ABLIM2: variants seen among roughly 807,000 people sequenced by gnomAD.
ABLIM2 encodes actin-binding LIM protein 2.
In ABLIM2, 53 loss-of-function variants were observed where a neutral mutation model predicts 97.7. The observed-to-expected ratio is 0.54, with a 90% CI of 0.44 to 0.68. The LOEUF is 0.68. Among genes scored for constraint, ABLIM2 ranks in the 30% least tolerant of loss-of-function variants. ABLIM2 has a pLI of 0.00. For missense variants in ABLIM2, 835 were observed against 867.2 expected (o/e 0.96, Z 0.47); for synonymous variants, 361 against 345.8 (o/e 1.04, Z -0.49).
chr4:8,071,049 T>C lies in ABLIM2; in HGVS notation c.675+6579A>G, dbSNP rs1016508839. On this transcript the variant is annotated intron_variant, in intron 6 of 20. Transcript: ENST00000447017. The surrounding 1 kb of genome is among the most constrained non-coding windows in gnomAD (Gnocchi z 6.2). ...CCTGGAAGGTGGGGCTCTGAACACA[T>C]GGCCAGTGGCTTCTCCTCATCCACA... 6.6e-6 allele frequency among the ~76,000 whole-genome samples: 1 copy of C among 152,110 alleles called. No homozygotes were observed. Among genetic ancestry groups the C allele is most frequent in the African/African-American group, 2.4e-5 (1 of 41,422 alleles).
At position 8,010,390 on chromosome 4, in the gene ABLIM2, C is replaced by T. The variant is rs189761376; in HGVS notation, c.1424-1288G>A. The T allele has an allele frequency of 5.6e-4, 551 of 985,888 alleles. 4 individuals are homozygous for T. The African/African-American group carries it at 9.0e-3, about 16-fold the overall frequency. The allele number at this position is 985,888 out of a possible 1,614,324, so 61.1% of individuals were successfully genotyped here. On this transcript the variant is annotated intron_variant, in intron 14 of 20. Transcript: ENST00000447017. ...CTCCGTCCCCAGCCCGCCACGAAGA[C>T]CCAGGCCTCAGGAAGGACACGCCGA...
intron 9 of ABLIM2, among the ~76,000 whole-genome samples, chr4:8,040,443 T>A (rs1483204390): frequency 2.6e-5 from 4 of 151,952 alleles, no homozygotes; most frequent in Non-Finnish European, 2.9e-5. Context: ...AGACCCTGTC[T>A]CTACTAAAAA....
At chr4:8,064,626 T>C (rs2152205683) in intron 6 of ABLIM2, among the ~76,000 whole-genome samples, 1 of 152,310 alleles carries the variant, frequency 6.6e-6, no homozygotes, top group Admixed American at 6.5e-5. Context: ...CGCCGCACCC[T>C]CGTGTCCTGA....
At chr4:8,009,772 C>G (rs568606826) in intron 14 of ABLIM2, among the ~76,000 whole-genome samples, 1 of 152,222 alleles carries the variant, frequency 6.6e-6, no homozygotes, top group African/African-American at 2.4e-5. Flanking sequence ...GCCTACGTGT[C>G]TGACTTGGGC....
intron 1 of ABLIM2, among the ~76,000 whole-genome samples, chr4:8,107,171 C>T (rs888889671): frequency 6.6e-6 from 1 of 152,234 alleles, no homozygotes; most frequent in African/African-American, 2.4e-5. Context: ...CTGAATATTG[C>T]TGCGGTCCCC....
intron 1 of ABLIM2, among the ~76,000 whole-genome samples, chr4:8,114,614 G>C (rs753519370): frequency 5.9e-5 from 9 of 151,646 alleles, no homozygotes; most frequent in African/African-American, 1.2e-4. Context: ...ACCATGAACC[G>C]AGGACGCTGC....
intron 11 of ABLIM2, among the ~76,000 whole-genome samples, chr4:8,029,283 CG>C (rs1560751418): frequency 6.6e-6 from 1 of 152,188 alleles, no homozygotes; most frequent in Non-Finnish European, 1.5e-5. Flanking sequence ...AGCTTGCAGC[CG>C]GCCAACGTCT....
At chr4:8,040,514 G>C (rs1312572141) in intron 9 of ABLIM2, among the ~76,000 whole-genome samples, 1 of 152,236 alleles carries the variant, frequency 6.6e-6, no homozygotes, top group African/African-American at 2.4e-5. Context: ...GGGAGGCTGA[G>C]GCAGGAGAGT....
intron 4 of ABLIM2, among the ~76,000 whole-genome samples, chr4:8,084,373 G>A (rs1821930104): frequency 6.6e-6 from 1 of 152,108 alleles, no homozygotes; most frequent in African/African-American, 2.4e-5. Context: ...GGGAGCTCCT[G>A]GGTTTAACCC....
At position 8,091,831 on chromosome 4, in the gene ABLIM2, A is replaced by ATT. The variant is rs1340477145; in HGVS notation, c.339-3548_339-3547insAA. ...TATATATTATATAATATATTATATA[A>ATT]ATAATATAATATATTATTTATACAA... On this transcript the variant is annotated intron_variant, in intron 3 of 20. Coordinates refer to ENST00000447017, the MANE Select transcript of ABLIM2 (RefSeq NM_001130083.2). Among the ~76,000 whole-genome samples, 211 of 96,792 alleles carry ATT rather than the reference A, an allele frequency of 2.2e-3. 2 individuals carry two copies. Among genetic ancestry groups the ATT allele is most frequent in the African/African-American group, 8.4e-3 (203 of 24,166 alleles). The allele number at this position is 96,792 out of a possible 152,430, so 63.5% of individuals were successfully genotyped here.
At position 8,122,860 on chromosome 4, in the gene ABLIM2, G is replaced by T. The variant is rs1273304482; in HGVS notation, c.11-16223C>A. On this transcript the variant is annotated intron_variant, in intron 1 of 20. Coordinates refer to ENST00000447017, the MANE Select transcript of ABLIM2 (RefSeq NM_001130083.2). This position sits in a 1 kb window ranked among gnomAD's most constrained non-coding sequence, Gnocchi z 4.1. Reference sequence around the variant, plus strand: ...TGGGACCCAGGCCTCTCTGACCCTGGCCTTTTCCACCATGCCCCACCGCGT... The same window carrying T: ...TGGGACCCAGGCCTCTCTGACCCTGTCCTTTTCCACCATGCCCCACCGCGT... Among the ~76,000 whole-genome samples the T allele has an allele frequency of 6.6e-6, 1 of 152,110 alleles. No individual in the cohort carries two copies. Among genetic ancestry groups the T allele is most frequent in the Non-Finnish European group, 1.5e-5 (1 of 68,016 alleles).
chr4:8,126,466 C>A (rs1210729835), intron 1 of ABLIM2, among the ~76,000 whole-genome samples: 1 of 150,554 alleles, frequency 6.6e-6, no homozygotes, highest in East Asian at 2.0e-4. Context: ...CTCCCCCTGC[C>A]TCCCTTTTCT....
At chr4:8,007,958 G>T in intron 16 of ABLIM2, 101 bp downstream of exon 16, 4 of 1,516,376 alleles carry the variant, frequency 2.6e-6, no homozygotes, top group Non-Finnish European at 3.5e-6. Context: ...CTTTTTAACA[G>T]GCAAGGCTTA....
intron 20 of ABLIM2, among the ~76,000 whole-genome samples, chr4:7,979,270 C>T (rs1736127580): frequency 6.6e-6 from 1 of 152,256 alleles, no homozygotes; most frequent in Non-Finnish European, 1.5e-5. Flanking sequence ...GATCCCCACA[C>T]ATCTGGGTGC....
At chr4:7,988,625 T>C (rs979888767) in intron 17 of ABLIM2, among the ~76,000 whole-genome samples, 3 of 152,230 alleles carry the variant, frequency 2.0e-5, no homozygotes, top group Admixed American at 2.0e-4. Flanking sequence ...GCTAGCGACA[T>C]GGAAGCAAGA....
At chr4:8,133,998 C>T (rs144808102) in intron 1 of ABLIM2, among the ~76,000 whole-genome samples, 40 of 152,240 alleles carry the variant, frequency 2.6e-4, no homozygotes, top group Non-Finnish European at 4.6e-4. Context: ...GGGGGGGTGA[C>T]GAACAGTGAA....
intron 6 of ABLIM2, among the ~76,000 whole-genome samples, chr4:8,064,593 T>C (rs1580278290): frequency 3.3e-5 from 5 of 152,242 alleles, no homozygotes. Flanking sequence ...TTCTGTTACA[T>C]GTCACAGGAG....
At chr4:8,037,409 G>C (rs1785257556) in intron 9 of ABLIM2, among the ~76,000 whole-genome samples, 1 of 151,428 alleles carries the variant, frequency 6.6e-6, no homozygotes, top group South Asian at 2.1e-4. Context: ...CAGAGAACAT[G>C]CCTGTCTGAG....
chr4:8,130,515 G>C lies in ABLIM2; in HGVS notation c.11-23878C>G, dbSNP rs1476154480. Among the ~76,000 whole-genome samples the C allele has an allele frequency of 6.6e-6, 1 of 152,112 alleles. No individual in the cohort carries two copies. Among genetic ancestry groups the C allele is most frequent in the Non-Finnish European group, 1.5e-5 (1 of 68,018 alleles). On this transcript the variant is annotated intron_variant, in intron 1 of 20. Transcript: ENST00000447017. This position sits in a 1 kb window ranked among gnomAD's most constrained non-coding sequence, Gnocchi z 4.2. ...CCACAGCTTTTTAGAATATCAAGTT[G>C]TCTAAGCTTCCCCGAGACACTGTGA...
Sources: allele counts gnomAD v4.1 joint callset (sites outside exome capture counted in the v4.1 genomes callset), GRCh38; gene constraint gnomAD v4.1.1; non-coding constraint Gnocchi (gnomAD v3.1); transcripts MANE v1.5; gene names NCBI Gene and HGNC (gene_info 2026-07-23, HGNC 2026-07-21).